The following EDA variants were observed in gnomAD, a reference collection of about 807,000 sequenced individuals.
EDA encodes the protein ectodysplasin-A.
In EDA, 2 loss-of-function variants were observed where a neutral mutation model predicts 23.6. The ratio of observed to expected loss-of-function variants is 0.08; its 90% CI spans 0.03 to 0.27. The LOEUF (loss-of-function observed/expected upper bound fraction) is 0.27. Ranked by LOEUF, EDA falls within the 10% of genes least tolerant of loss-of-function variation. The pLI is 1.00. For synonymous variants in EDA, 131 were observed against 132.0 expected, an observed-to-expected ratio of 0.99 and a Z score of 0.05; for missense variants, 229 against 324.2, an observed-to-expected ratio of 0.71 and a Z score of 2.26.
At chrX:69,889,726 C>A (rs2017894567) in intron 1 of EDA, among the ~76,000 whole-genome samples, 1 of 111,710 alleles carries the variant, frequency 9.0e-6, no homozygotes, top group Non-Finnish European at 1.9e-5. Flanking sequence ...TTCTCTCATT[C>A]TGTAGGTTTT....
At chrX:69,931,798 T>G (rs1414356043) in intron 1 of EDA, among the ~76,000 whole-genome samples, 1 of 112,014 alleles carries the variant, frequency 8.9e-6, no homozygotes, top group Non-Finnish European at 1.9e-5. Flanking sequence ...TCTTATAACA[T>G]GTACTTACCA....
intron 1 of EDA, among the ~76,000 whole-genome samples, chrX:69,660,498 C>T (rs796124175): frequency 1.8e-5 from 2 of 108,720 alleles, no homozygotes; most frequent in Non-Finnish European, 3.8e-5. Flanking sequence ...CCACTCCCCC[C>T]ACCCCACAAC....
At chrX:69,769,746 T>C (rs1226145817) in intron 1 of EDA, among the ~76,000 whole-genome samples, 1 of 111,462 alleles carries the variant, frequency 9.0e-6, no homozygotes, top group Non-Finnish European at 1.9e-5. Flanking sequence ...GTAATTATTA[T>C]TTCTGGTGTT....
chrX:69,809,924 A>G (rs1440279826), intron 1 of EDA, among the ~76,000 whole-genome samples: 1 of 110,891 alleles, frequency 9.0e-6, no homozygotes, highest in Non-Finnish European at 1.9e-5. Flanking sequence ...GGGTAAAAAA[A>G]ATCATAAGCC....
chrX:69,643,442 G>GTTGT (rs1054953275), intron 1 of EDA, among the ~76,000 whole-genome samples: 1 of 110,602 alleles, frequency 9.0e-6, no homozygotes, highest in Non-Finnish European at 1.9e-5. Context: ...TCTAGTAAGA[G>GTTGT]TTGTTTGTTT....
intron 1 of EDA, among the ~76,000 whole-genome samples, chrX:69,951,334 AC>A (rs2147410676): frequency 9.0e-6 from 1 of 110,783 alleles, no homozygotes; most frequent in Non-Finnish European, 1.9e-5. Context: ...TCATAATCAA[AC>A]CTGTTGGCAC....
intron 1 of EDA, among the ~76,000 whole-genome samples, chrX:69,859,726 ATATC>A (rs2017338686): frequency 9.0e-6 from 1 of 111,473 alleles, no homozygotes; most frequent in Admixed American, 9.6e-5. Context: ...AGTTCTGTGG[ATATC>A]TATCAGGTTC....
intron 2 of EDA, among the ~76,000 whole-genome samples, chrX:69,996,681 A>G (rs1225040287): frequency 8.9e-6 from 1 of 111,845 alleles, no homozygotes; most frequent in African/African-American, 3.3e-5. Flanking sequence ...TTTAAGCTTC[A>G]TCTCCACCAT....
intron 1 of EDA, among the ~76,000 whole-genome samples, chrX:69,832,265 G>A (rs1480377859): frequency 8.9e-6 from 1 of 111,756 alleles, no homozygotes; most frequent in Non-Finnish European, 1.9e-5. Context: ...TGGCTAGCCA[G>A]TTTTCCCAGC....
intron 1 of EDA, among the ~76,000 whole-genome samples, chrX:69,716,023 A>G (rs1458603377): frequency 1.8e-5 from 2 of 111,471 alleles, no homozygotes; most frequent in African/African-American, 6.5e-5. Context: ...TCTATGGGTT[A>G]TTTGTTTAAT....
chrX:70,011,908 G>A (rs779213631), intron 2 of EDA, among the ~76,000 whole-genome samples: 6 of 111,844 alleles, frequency 5.4e-5, no homozygotes, highest in Non-Finnish European at 9.4e-5. Flanking sequence ...AGCAGTTGAA[G>A]AACCAGAAGA....
intron 1 of EDA, among the ~76,000 whole-genome samples, chrX:69,689,301 C>CTTT (rs201309371): frequency 5.8e-4 from 56 of 97,331 alleles, no homozygotes; most frequent in Middle Eastern, 5.3e-3. Context: ...ATGTGCCATG[C>CTTT]TTTTTTTTTT....
At chrX:69,817,306 A>G (rs2016104159) in intron 1 of EDA, among the ~76,000 whole-genome samples, 1 of 111,272 alleles carries the variant, frequency 9.0e-6, no homozygotes, top group Admixed American at 9.6e-5. Flanking sequence ...AAGCAACCAC[A>G]TAAACAAGTC....
rs1413240233 is a variant in EDA, at chrX:69,616,659, A to G, written c.351A>G (p.Glu117=). The G allele has an allele frequency of 8.3e-7, 1 of 1,211,036 alleles. No homozygotes were observed. The highest frequency in any genetic ancestry group is 1.1e-6 in the Non-Finnish European group (1 of 895,228). Residue 117 remains glutamate, a synonymous_variant, in exon 1 of 8, where the codon GAA becomes GAG. Coordinates refer to ENST00000374552, the MANE Select transcript of EDA (RefSeq NM_001399.5). ...GQPSPKQQPL[E]PGEAALHSDS... ...CGTCACCTAAGCAGCAGCCATTGGA[A>G]CCGGGAGAAGCCGCACTCCACTCTG...
At chrX:69,833,506 T>TG (rs202031982) in intron 1 of EDA, among the ~76,000 whole-genome samples, 28,706 of 109,638 alleles carry the variant, frequency 0.26, 2,835 homozygotes, top group African/African-American at 0.32. Context: ...TCTCTTTTTT[T>TG]TTTTTGCTGT....
At chrX:69,710,580 G>A (rs1386001747) in intron 1 of EDA, among the ~76,000 whole-genome samples, 2 of 111,655 alleles carry the variant, frequency 1.8e-5, no homozygotes, top group African/African-American at 6.5e-5. Context: ...ATTACCTTAG[G>A]CAGTATAGCC....
Position 69,782,136 on chromosome X carries a change from C to T in EDA, c.396+165432C>T, listed in dbSNP as rs115544866. Among the ~76,000 whole-genome samples the T allele has an allele frequency of 2.0e-3, 214 of 109,083 alleles. 1 individual carries two copies. Among genetic ancestry groups the T allele is most frequent in the Middle Eastern group, 4.7e-3 (1 of 212 alleles). 94.7% of individuals were successfully genotyped at this position (109,083 alleles called of 115,157 possible). ...CAACCCCTGGCTTGTTTTCCACTAACGGAGCCAAATACAAACTGGGGTGGC... is the reference window on the plus strand; with the variant it reads ...CAACCCCTGGCTTGTTTTCCACTAATGGAGCCAAATACAAACTGGGGTGGC... On this transcript the variant is annotated intron_variant, in intron 1 of 7. Coordinates refer to ENST00000374552, the MANE Select transcript of EDA (RefSeq NM_001399.5).
rs879029509 is a variant in EDA at position 70,037,003 on chromosome X, T to C, written c.*1394T>C. The C allele has an allele frequency of 1.8e-5, 2 of 111,983 alleles. No homozygotes were observed. Among genetic ancestry groups the C allele is most frequent in the Admixed American group, 1.9e-4 (2 of 10,557 alleles). 9.2% of individuals were successfully genotyped at this position (111,983 alleles called of 1,213,427 possible). ...ATCTGCCCCCTAGTTCAGGTCCAAA[T>C]TCACCTTCCCCTAAACCCCAAGCTT... On this transcript the variant is annotated 3_prime_UTR_variant, in exon 8 of 8. Transcript: ENST00000374552.
intron 1 of EDA, among the ~76,000 whole-genome samples, chrX:69,841,638 A>G (rs1390397098): frequency 8.9e-6 from 1 of 112,187 alleles, no homozygotes; most frequent in Non-Finnish European, 1.9e-5. Flanking sequence ...GGAATGAGCC[A>G]CCATGCCCAG....
Sources: gnomAD v4.1 joint callset for allele counts (sites outside exome capture counted in the v4.1 genomes callset) on GRCh38, gnomAD v4.1.1 for gene constraint, MANE v1.5 for transcripts, NCBI Gene and HGNC (gene_info 2026-07-23, HGNC 2026-07-21) for gene names.